Variants in CRHR2 observed in about 807,000 individuals in gnomAD.
CRHR2 encodes the protein corticotropin-releasing hormone receptor 2.
A neutral mutation model predicts 57.9 loss-of-function variants in CRHR2; 53 were observed. The ratio of observed to expected loss-of-function variants is 0.92; its 90% CI spans 0.73 to 1.15. The LOEUF (loss-of-function observed/expected upper bound fraction) is 1.15, where lower values mean the gene tolerates loss of function less well. CRHR2 is among the 50% of genes most tolerant of loss of function. CRHR2 has a pLI of 0.00. For missense variants in CRHR2, 532 were observed against 542.6 expected, an observed-to-expected ratio of 0.98 and a Z score of 0.19; for synonymous variants, 213 against 220.9, an observed-to-expected ratio of 0.96 and a Z score of 0.32.
chr7:30,677,688 A>T (rs574239872), intron 2 of CRHR2, among the ~76,000 whole-genome samples: 2 of 152,226 alleles, frequency 1.3e-5, no homozygotes, highest in South Asian at 4.1e-4. Flanking sequence ...CACCCATCAG[A>T]TGCACCTACC....
At chr7:30,690,339 C>T (rs1036214244) in intron 1 of CRHR2, among the ~76,000 whole-genome samples, 1 of 152,212 alleles carries the variant, frequency 6.6e-6, no homozygotes, top group African/African-American at 2.4e-5. Context: ...TGGTGTATGA[C>T]TGAACGAGAG....
At chr7:30,687,695 C>T (rs1784883250) in intron 2 of CRHR2, among the ~76,000 whole-genome samples, 1 of 152,204 alleles carries the variant, frequency 6.6e-6, no homozygotes, top group African/African-American at 2.4e-5. Context: ...GGGACCCTAT[C>T]CGCTGCACTC....
chr7:30,676,704 G>A (rs982752978), intron 2 of CRHR2, among the ~76,000 whole-genome samples: 4 of 152,210 alleles, frequency 2.6e-5, no homozygotes, highest in Non-Finnish European at 5.9e-5. Context: ...TATCACCTCT[G>A]ACTCTTAGGG....
intron 3 of CRHR2, 78 bp downstream of exon 3, chr7:30,667,150 C>T (rs1784211156): frequency 3.0e-6 from 4 of 1,327,870 alleles, no homozygotes; most frequent in Non-Finnish European, 4.3e-6. Context: ...GGTCTGCCCC[C>T]CTTGGGATCT....
intron 10 of CRHR2, 32 bp downstream of exon 10, chr7:30,655,548 C>T (rs764710339): frequency 3.1e-6 from 5 of 1,595,686 alleles, no homozygotes; most frequent in South Asian, 1.1e-5. Flanking sequence ...GGAAAGCTCA[C>T]TGTGGGGCCC....
Position 30,655,041 on chromosome 7 carries a change from C to T in CRHR2, c.1093G>A (p.Glu365Lys), listed in dbSNP as rs771823882. The change falls in exon 11 of 12, where the codon GAG becomes AAG. Residue 365 changes from glutamate (E) to lysine (K), a missense_variant and splice_region_variant. Physicochemically the swap from Glu to Lys is moderately conservative, Grantham distance 56. Coordinates refer to ENST00000471646, the MANE Select transcript of CRHR2 (RefSeq NM_001883.5). ...VSVFYCFFNG[E>K]VRSAVRKRWH... Reference sequence around the variant, plus strand: ...ACCCCGAGGGCCCAGCTTCATACCTCTCCATTGAAGAAGCAGTAGAAGACA... The same window carrying T: ...ACCCCGAGGGCCCAGCTTCATACCTTTCCATTGAAGAAGCAGTAGAAGACA... 6.2e-7 allele frequency: 1 copy of T among 1,613,326 alleles called. No homozygotes were observed. Among genetic ancestry groups the T allele is most frequent in the Non-Finnish European group, 8.5e-7 (1 of 1,179,596 alleles).
chr7:30,681,829 C>T, intron 2 of CRHR2, 86 bp downstream of exon 2: 1 of 1,491,468 alleles, frequency 6.7e-7, no homozygotes, highest in East Asian at 2.4e-5. Context: ...AGCTTTGTAC[C>T]GCTGGGTCCG....
Position 30,655,570 on chromosome 7 carries a change from C to G in CRHR2, c.1053+10G>C. 2 of 1,607,876 alleles carry G rather than the reference C, an allele frequency of 1.2e-6. No homozygotes were observed. The highest frequency in any genetic ancestry group is 1.7e-6 in the Non-Finnish European group (2 of 1,176,548). On this transcript the variant is annotated intron_variant, in intron 10 of 11. Coordinates refer to ENST00000471646, the MANE Select transcript of CRHR2 (RefSeq NM_001883.5). ...TCACTGTGGGGCCCCCATCTGGTCA[C>G]AGGCCCCACCTGGAACGACTGCAGG...
rs1562790026 is a variant in CRHR2, at chr7:30,652,227, T to C, written c.*1233A>G. 6.6e-6 allele frequency: 1 copy of C among 152,154 alleles called. No individual in the cohort carries two copies. The highest frequency in any genetic ancestry group is 6.5e-5 in the Admixed American group (1 of 15,282). 9.4% of individuals were successfully genotyped at this position (152,154 alleles called of 1,614,324 possible). A position where few individuals can be genotyped will look rare whatever the true frequency, so the allele number is the denominator to read the frequency against. Reference sequence around the variant, plus strand: ...CCAAGCCTGGAAGCTGCCCTGGTGGTCAACTGAGGGGCCATGTCTACCCTG... The same window carrying C: ...CCAAGCCTGGAAGCTGCCCTGGTGGCCAACTGAGGGGCCATGTCTACCCTG... On this transcript the variant is annotated 3_prime_UTR_variant, in exon 12 of 12. Transcript: ENST00000471646. The surrounding 1 kb of genome is among the most constrained non-coding windows in gnomAD (Gnocchi z 4.4).
chr7:30,664,318 C>T (rs1480960218), intron 5 of CRHR2, among the ~76,000 whole-genome samples: 1 of 152,216 alleles, frequency 6.6e-6, no homozygotes, highest in African/African-American at 2.4e-5. Flanking sequence ...CAGCAATGGA[C>T]AGAAATCCAG....
At chr7:30,667,409 C>T in intron 2 of CRHR2, 96 bp from the exon 3 acceptor site, 2 of 946,654 alleles carry the variant, frequency 2.1e-6, no homozygotes, top group Non-Finnish European at 1.7e-6. Context: ...GTACGCACCT[C>T]AGCTCTCCTA....
rs2128141694 is a variant in CRHR2 at position 30,662,187 on chromosome 7, C to T, written c.727G>A (p.Ala243Thr). ...TTCTCATAGTAGAGCTTGCCGATGGCCCAGGCGACGATGATGGGGAAGGGG... is the reference window on the plus strand; with the variant it reads ...TTCTCATAGTAGAGCTTGCCGATGGTCCAGGCGACGATGATGGGGAAGGGG... The part of the protein sequence containing the change: ...CIPFPIIVAW[A>T]IGKLYYENEQ... Residue 243 changes from alanine to threonine, a missense_variant, in exon 7 of 12, where the codon GCC becomes ACC. Ala to Thr is a moderately conservative substitution (Grantham distance 58). Coordinates refer to ENST00000471646, the MANE Select transcript of CRHR2 (RefSeq NM_001883.5). The T allele has an allele frequency of 1.2e-6, 2 of 1,614,130 alleles. No individual in the cohort carries two copies. The highest frequency in any genetic ancestry group is 1.6e-4 in the Middle Eastern group (1 of 6,062).
At chr7:30,663,229 C>T (rs1202956035) in intron 5 of CRHR2, among the ~76,000 whole-genome samples, 1 of 152,070 alleles carries the variant, frequency 6.6e-6, no homozygotes, top group Non-Finnish European at 1.5e-5. Context: ...CAAGTCAGAC[C>T]TGCTTCCTTT....
chr7:30,678,580 A>C (rs1295272311), intron 2 of CRHR2, among the ~76,000 whole-genome samples: 1 of 152,036 alleles, frequency 6.6e-6, no homozygotes, highest in Non-Finnish European at 1.5e-5. Flanking sequence ...AAACTCACAC[A>C]CTGTAGCTAT....
intron 5 of CRHR2, among the ~76,000 whole-genome samples, chr7:30,663,264 T>G (rs1197974827): frequency 6.6e-6 from 1 of 152,100 alleles, no homozygotes; most frequent in Non-Finnish European, 1.5e-5. Context: ...GGAATTTCAT[T>G]TAGAAAAAAA....
At chr7:30,681,525 C>T (rs1303361685) in intron 2 of CRHR2, among the ~76,000 whole-genome samples, 1 of 152,222 alleles carries the variant, frequency 6.6e-6, no homozygotes, top group Non-Finnish European at 1.5e-5. Context: ...CATATCCGCC[C>T]TCCTGGGATA....
Position 30,682,258 on chromosome 7 carries a change from C to G in CRHR2, c.23G>C (p.Ser8Thr). MDAALLH[S>T]LLEANCSLAL... Reference sequence around the variant, plus strand: ...CAGGCTGCAGTTGGCCTCCAGCAGGCTGTGGAGCAGTGCCGCGTCCATCGC... The same window carrying G: ...CAGGCTGCAGTTGGCCTCCAGCAGGGTGTGGAGCAGTGCCGCGTCCATCGC... Residue 8 changes from serine (S) to threonine (T), a missense_variant, in exon 1 of 12, where the codon AGC (serine) becomes ACC (threonine). By Grantham distance (58) the Ser-to-Thr change is moderately conservative. Transcript: ENST00000471646. The G allele has an allele frequency of 6.3e-7, 1 of 1,585,556 alleles. No individual in the cohort carries two copies. The highest frequency in any genetic ancestry group is 8.5e-7 in the Non-Finnish European group (1 of 1,172,946).
intron 1 of CRHR2, chr7:30,689,323 A>G (rs1784915276): frequency 1.3e-6 from 2 of 1,515,284 alleles, no homozygotes; most frequent in Non-Finnish European, 1.8e-6. Flanking sequence ...GATCAGGCCC[A>G]GGCTAGCCAT....
At chr7:30,662,086 C>A in intron 7 of CRHR2, 70 bp downstream of exon 7, 1 of 1,553,808 alleles carries the variant, frequency 6.4e-7, no homozygotes. Context: ...TGGCCAGAGC[C>A]CAAGGCTGAC....
Sources: allele counts gnomAD v4.1 joint callset (sites outside exome capture counted in the v4.1 genomes callset), GRCh38; gene constraint gnomAD v4.1.1; non-coding constraint Gnocchi (gnomAD v3.1); transcripts MANE v1.5; gene names NCBI Gene and HGNC (gene_info 2026-07-23, HGNC 2026-07-21).